The following TSPEAR variants were observed in gnomAD, a reference collection of about 807,000 sequenced individuals.
The protein encoded by TSPEAR is thrombospondin type laminin G domain and EAR repeats, also known as thrombospondin-type laminin G domain and EAR repeat-containing protein.
In TSPEAR, 69 loss-of-function variants were observed where a neutral mutation model predicts 71.6. The ratio of observed to expected loss-of-function variants is 0.96; its 90% CI spans 0.79 to 1.18. The LOEUF is 1.18. Ranked by LOEUF, TSPEAR falls within the 50% of genes most tolerant of loss-of-function variation. TSPEAR has a pLI of 0.00. For synonymous variants in TSPEAR, 402 were observed against 387.2 expected (o/e 1.04, Z -0.45); for missense variants, 971 against 894.9 (o/e 1.09, Z -1.09).
intron 3 of TSPEAR, 48 bp downstream of exon 3, chr21:44,533,637 G>A: frequency 1.3e-6 from 2 of 1,486,430 alleles, no homozygotes; most frequent in Admixed American, 1.7e-5. Flanking sequence ...GCCTGGCCTG[G>A]CAGGACTCTG....
At position 44,522,096 on chromosome 21, in the gene TSPEAR, G is replaced by A. The variant is rs587652857; in HGVS notation, c.1353C>T (p.Ile451=). 1.1e-4 allele frequency: 185 copies of A among 1,614,066 alleles called. 2 individuals are homozygous for A. In the South Asian group the frequency reaches 1.7e-3, roughly 15 times the overall value. The part of the protein sequence containing the change: ...ANHREGDNHN[I]DSVIYKWNPA... ...GGTTCCACTTGTAGATGACACTGTC[G>A]ATGTTGTGGTTGTCGCCTGGAACCA... Residue 451 remains isoleucine (I), a synonymous_variant, in exon 9 of 12, where the codon ATC becomes ATT. Transcript: ENST00000323084.
chr21:44,540,130 G>A (rs782136901), intron 2 of TSPEAR: 20 of 1,613,456 alleles, frequency 1.2e-5, no homozygotes, highest in Middle Eastern at 1.7e-4. Context: ...TGGAGCAGAC[G>A]GACATGGTGG....
chr21:44,638,673 C>A (rs1275180959), intron 1 of TSPEAR, among the ~76,000 whole-genome samples: 1 of 151,854 alleles, frequency 6.6e-6, no homozygotes, highest in Non-Finnish European at 1.5e-5. Flanking sequence ...AGGCCAGTCT[C>A]CCTCTTAGCC....
intron 2 of TSPEAR, among the ~76,000 whole-genome samples, chr21:44,550,123 T>G (rs1453489038): frequency 6.6e-6 from 1 of 152,252 alleles, no homozygotes; most frequent in Non-Finnish European, 1.5e-5. Flanking sequence ...TCATGTGGTG[T>G]CTGTGGGACT....
Position 44,710,470 on chromosome 21 carries a change from C to T in TSPEAR, c.82+963G>A, listed in dbSNP as rs1469416717. On this transcript the variant is annotated intron_variant, in intron 1 of 11. Transcript: ENST00000323084. The surrounding 1 kb of genome is among the most constrained non-coding windows in gnomAD (Gnocchi z 4.6). ...TCAGCACGTTCCATACTCGGGTGATCGTGCTCATCCCCTGGTCATGTCATC... is the reference window on the plus strand; with the variant it reads ...TCAGCACGTTCCATACTCGGGTGATTGTGCTCATCCCCTGGTCATGTCATC... 6.8e-6 allele frequency among the ~76,000 whole-genome samples: 1 copy of T among 146,632 alleles called. No homozygotes were observed. The highest frequency in any genetic ancestry group is 1.5e-5 in the Non-Finnish European group (1 of 66,204).
At chr21:44,543,208 A>G (rs1340276486) in intron 2 of TSPEAR, among the ~76,000 whole-genome samples, 2 of 152,244 alleles carry the variant, frequency 1.3e-5, no homozygotes, top group Non-Finnish European at 2.9e-5. Flanking sequence ...AAGTGTAACA[A>G]AAGAAGAACA....
chr21:44,573,147 C>T (rs1978290187), intron 1 of TSPEAR, among the ~76,000 whole-genome samples: 1 of 152,274 alleles, frequency 6.6e-6, no homozygotes, highest in Non-Finnish European at 1.5e-5. Context: ...GAAAAGAATA[C>T]ATTACAGCAT....
chr21:44,666,695 C>T (rs781895315), intron 1 of TSPEAR: 1 of 1,613,854 alleles, frequency 6.2e-7, no homozygotes, highest in Non-Finnish European at 8.5e-7. Flanking sequence ...TGGGCACACA[C>T]ACAGAAGACT....
chr21:44,624,820 A>G (rs904666025), intron 1 of TSPEAR, among the ~76,000 whole-genome samples: 8 of 152,226 alleles, frequency 5.3e-5, no homozygotes, highest in Non-Finnish European at 1.0e-4. Flanking sequence ...AAATGCCTCA[A>G]TAAGAAAATC....
intron 1 of TSPEAR, among the ~76,000 whole-genome samples, chr21:44,586,885 A>C (rs1555925758): frequency 1.3e-5 from 2 of 152,206 alleles, no homozygotes; most frequent in East Asian, 3.8e-4. Context: ...CAAGGGACAT[A>C]CCTCAATGTA....
chr21:44,646,271 G>C (rs942824824), intron 1 of TSPEAR: 11 of 746,156 alleles, frequency 1.5e-5, no homozygotes, highest in African/African-American at 1.4e-4. Flanking sequence ...CAGCATGAAT[G>C]ATGCATCTCC....
intron 2 of TSPEAR, among the ~76,000 whole-genome samples, chr21:44,543,066 C>T (rs138701798): frequency 6.6e-6 from 1 of 151,810 alleles, no homozygotes; most frequent in African/African-American, 2.4e-5. Context: ...CAAATGAGAA[C>T]AGAATAATGA....
At chr21:44,701,117 T>G (rs1431860836) in intron 1 of TSPEAR, among the ~76,000 whole-genome samples, 1 of 152,184 alleles carries the variant, frequency 6.6e-6, no homozygotes, top group Non-Finnish European at 1.5e-5. Context: ...TTAAGATCCT[T>G]AAACATTTTT....
intron 1 of TSPEAR, chr21:44,579,441 A>C: frequency 4.2e-6 from 2 of 481,340 alleles, no homozygotes; most frequent in Non-Finnish European, 7.5e-6. Flanking sequence ...CAGGAGCACT[A>C]CAGAAAAAGA....
chr21:44,504,247 G>GCCGGC (rs1555911570), intron 11 of TSPEAR, among the ~76,000 whole-genome samples: 95 of 125,714 alleles, frequency 7.6e-4, no homozygotes, highest in African/African-American at 2.8e-3. Flanking sequence ...TCGGGGGGTA[G>GCCGGC]CTGGCCTCGG....
At chr21:44,539,819 A>G (rs1415663727) in intron 2 of TSPEAR, 1 of 1,570,804 alleles carries the variant, frequency 6.4e-7, no homozygotes, top group Non-Finnish European at 8.6e-7. Context: ...GCAGGTGGGC[A>G]GGCAGCACAC....
intron 1 of TSPEAR, chr21:44,677,287 C>A (rs2146290775): frequency 1.3e-6 from 1 of 788,208 alleles, no homozygotes; most frequent in South Asian, 1.6e-5. Flanking sequence ...TCCTTCAACG[C>A]ACCTTGCACT....
intron 1 of TSPEAR, chr21:44,573,602 A>ACC: frequency 7.9e-7 from 1 of 1,269,074 alleles, no homozygotes; most frequent in Non-Finnish European, 1.1e-6. Context: ...CTGGCTGTAC[A>ACC]CCCCAACAAG....
At chr21:44,622,179 T>C (rs1601495941) in intron 1 of TSPEAR, among the ~76,000 whole-genome samples, 1 of 152,250 alleles carries the variant, frequency 6.6e-6, no homozygotes, top group East Asian at 1.9e-4. Context: ...GGACTCTCTC[T>C]GTATAGCTGT....
Sources: allele counts gnomAD v4.1 joint callset (sites outside exome capture counted in the v4.1 genomes callset), GRCh38; gene constraint gnomAD v4.1.1; non-coding constraint Gnocchi (gnomAD v3.1); transcripts MANE v1.5; gene names NCBI Gene and HGNC (gene_info 2026-07-23, HGNC 2026-07-21).